Variants in SEMA3D observed in about 807,000 individuals in gnomAD.
SEMA3D encodes the protein semaphorin 3D, also known as semaphorin-3D.
Under a neutral mutation model 100.1 loss-of-function variants are expected in SEMA3D, and 84 were observed. That is an observed-to-expected ratio of 0.84 (90% confidence interval 0.70 to 1.01). The LOEUF is 1.01. SEMA3D is among the 50% of genes least tolerant of loss of function. The probability of loss-of-function intolerance (pLI) is 0.00; values close to 1 mark genes in which losing one functional copy is unlikely to be tolerated. For synonymous variants in SEMA3D, 312 were observed against 320.7 expected (o/e 0.97, Z 0.29); for missense variants, 875 against 934.1 (o/e 0.94, Z 0.82).
intron 2 of SEMA3D, among the ~76,000 whole-genome samples, chr7:85,125,261 A>T (rs1413324657): frequency 6.6e-6 from 1 of 152,152 alleles, no homozygotes; most frequent in Non-Finnish European, 1.5e-5. Context: ...TTTATTAGCA[A>T]TAATGACCTC....
chr7:85,012,110 G>A (rs1417554369), intron 17 of SEMA3D, among the ~76,000 whole-genome samples: 1 of 151,508 alleles, frequency 6.6e-6, no homozygotes, highest in Non-Finnish European at 1.5e-5. Flanking sequence ...CCCCCACACT[G>A]GCCTTCTCCT....
chr7:85,095,259 A>T (rs1788514630), intron 4 of SEMA3D, among the ~76,000 whole-genome samples: 2 of 152,014 alleles, frequency 1.3e-5, no homozygotes, highest in South Asian at 2.1e-4. Flanking sequence ...ATTTCTGGTG[A>T]TTCTGCACTA....
intron 12 of SEMA3D, chr7:85,029,281 C>A: frequency 1.1e-6 from 1 of 891,890 alleles, no homozygotes; most frequent in Non-Finnish European, 1.9e-6. Flanking sequence ...TGACAAGGGC[C>A]ATTTGAGCAA....
intron 5 of SEMA3D, among the ~76,000 whole-genome samples, chr7:85,077,892 C>T (rs1260592488): frequency 6.6e-6 from 1 of 152,046 alleles, no homozygotes; most frequent in African/African-American, 2.4e-5. Context: ...AAAATTTTTT[C>T]ATGTACAGTG....
intron 4 of SEMA3D, among the ~76,000 whole-genome samples, chr7:85,095,502 AG>A (rs1262020410): frequency 8.5e-5 from 13 of 152,186 alleles, no homozygotes; most frequent in Admixed American, 3.9e-4. Flanking sequence ...GACAGCCTTC[AG>A]CCCCTCAGAG....
intron 8 of SEMA3D, among the ~76,000 whole-genome samples, chr7:85,059,471 C>T (rs879736392): frequency 2.0e-5 from 3 of 152,136 alleles, no homozygotes; most frequent in Non-Finnish European, 4.4e-5. Flanking sequence ...TATTGTAGCA[C>T]TTGCATATAA....
chr7:85,103,835 A>G (rs1788821667), intron 3 of SEMA3D, among the ~76,000 whole-genome samples: 2 of 152,144 alleles, frequency 1.3e-5, no homozygotes, highest in South Asian at 4.1e-4. Context: ...AAATCATTGC[A>G]TATTACAAAT....
At chr7:85,117,585 C>A (rs999090974) in intron 3 of SEMA3D, among the ~76,000 whole-genome samples, 2 of 151,970 alleles carry the variant, frequency 1.3e-5, no homozygotes, top group Non-Finnish European at 2.9e-5. Flanking sequence ...CAAGCCTGGG[C>A]AACATGGTGA....
intron 1 of SEMA3D, among the ~76,000 whole-genome samples, chr7:85,184,916 T>C (rs1475570235): frequency 6.6e-6 from 1 of 152,188 alleles, no homozygotes; most frequent in African/African-American, 2.4e-5. Context: ...AGTGGCCAGC[T>C]GGGGCTGATC....
chr7:85,093,172 A>C (rs1788448371), intron 4 of SEMA3D, among the ~76,000 whole-genome samples: 1 of 152,044 alleles, frequency 6.6e-6, no homozygotes. Flanking sequence ...TTTTTAAAGA[A>C]AGTTTGTTTT....
intron 2 of SEMA3D, among the ~76,000 whole-genome samples, chr7:85,125,832 A>T (rs925934949): frequency 1.3e-5 from 2 of 151,258 alleles, no homozygotes; most frequent in African/African-American, 4.9e-5. Context: ...TGTGTTGTGC[A>T]TCTGGGATGA....
At chr7:85,187,943 C>A (rs921547441), upstream of SEMA3D, among the ~76,000 whole-genome samples, 1 of 152,182 alleles carries the variant, frequency 6.6e-6, no homozygotes, top group Non-Finnish European at 1.5e-5. Flanking sequence ...TAGTCACACA[C>A]CTTGCCCTTA....
At chr7:85,100,831 A>G (rs981018721) in intron 3 of SEMA3D, among the ~76,000 whole-genome samples, 2 of 151,896 alleles carry the variant, frequency 1.3e-5, no homozygotes, top group African/African-American at 4.8e-5. Flanking sequence ...TTACAAAGCA[A>G]AAGGCAGTAT....
chr7:85,002,896 A>G (rs947779773), intron 18 of SEMA3D, among the ~76,000 whole-genome samples: 4 of 152,170 alleles, frequency 2.6e-5, no homozygotes, highest in Non-Finnish European at 5.9e-5. Context: ...CTCTTATAAT[A>G]GCAGCCTAAT....
chr7:85,248,543 A>G, the SEMA3D span, among the ~76,000 whole-genome samples: 2 of 152,184 alleles, frequency 1.3e-5, no homozygotes, highest in African/African-American at 4.8e-5. Context: ...TAACAATTTG[A>G]TTCATAATTG....
chr7:85,168,909 G>T (rs1791006142), intron 1 of SEMA3D, among the ~76,000 whole-genome samples: 1 of 151,064 alleles, frequency 6.6e-6, no homozygotes, highest in African/African-American at 2.4e-5. Context: ...AAACAAGGAG[G>T]GCAGTAAAGT....
intron 1 of SEMA3D, among the ~76,000 whole-genome samples, chr7:85,174,040 G>T (rs550271750): frequency 6.6e-6 from 1 of 152,244 alleles, no homozygotes; most frequent in Non-Finnish European, 1.5e-5. Context: ...CTGGTGTGCT[G>T]AAATAGCTGG....
At chr7:85,023,779 T>G (rs751709833) in intron 12 of SEMA3D, among the ~76,000 whole-genome samples, 1 of 151,926 alleles carries the variant, frequency 6.6e-6, no homozygotes, top group Non-Finnish European at 1.5e-5. Context: ...ACCCCAAATT[T>G]TATACCAATA....
chr7:85,017,301 A>G (rs994363517), intron 15 of SEMA3D, among the ~76,000 whole-genome samples: 5 of 151,558 alleles, frequency 3.3e-5, no homozygotes, highest in African/African-American at 1.2e-4. Context: ...TCTAGACTCT[A>G]TTATTACTGT....
Sources: allele counts gnomAD v4.1 joint callset (sites outside exome capture counted in the v4.1 genomes callset), GRCh38; gene constraint gnomAD v4.1.1; transcripts MANE v1.5; gene names NCBI Gene and HGNC (gene_info 2026-07-23, HGNC 2026-07-21).